The following PRKG1 variants were observed in gnomAD, a reference collection of about 807,000 sequenced individuals.
PRKG1 encodes cGMP-dependent protein kinase 1.
PRKG1 carries 35 observed loss-of-function variants against 88.1 expected under a neutral mutation model. That is an observed-to-expected ratio of 0.40 (90% CI 0.30 to 0.53). The LOEUF is 0.53. PRKG1 is among the 20% of genes least tolerant of loss of function. The probability of loss-of-function intolerance (pLI) is 0.59; values close to 1 mark genes in which losing one functional copy is unlikely to be tolerated. For missense variants in PRKG1, 540 were observed against 839.8 expected (o/e 0.64, Z 4.41); for synonymous variants, 303 against 292.5 (o/e 1.04, Z -0.37).
chr10:51,153,373 T>G (rs1287762147), intron 2 of PRKG1, 43 bp downstream of exon 2: 9 of 1,533,138 alleles, frequency 5.9e-6, no homozygotes, highest in Non-Finnish European at 6.2e-6. Flanking sequence ...AAATATTCTT[T>G]TTTCATCTTA....
At chr10:51,609,073 T>C (rs1363644636) in intron 3 of PRKG1, among the ~76,000 whole-genome samples, 1 of 152,018 alleles carries the variant, frequency 6.6e-6, no homozygotes, top group African/African-American at 2.4e-5. Context: ...GGTTAGTTTA[T>C]TATTTTTTTC....
At chr10:51,396,841 G>A (rs1236317133) in intron 2 of PRKG1, among the ~76,000 whole-genome samples, 1 of 152,228 alleles carries the variant, frequency 6.6e-6, no homozygotes, top group African/African-American at 2.4e-5. Context: ...GGCGGGTACT[G>A]GGGTGAACTG....
intron 2 of PRKG1, among the ~76,000 whole-genome samples, chr10:51,261,972 T>C (rs535473979): frequency 2.2e-4 from 33 of 148,666 alleles, no homozygotes; most frequent in African/African-American, 7.9e-4. Flanking sequence ...CTGCAAGCTC[T>C]GCCTCCCGGG....
chr10:52,123,713 A>C (rs763832424), intron 7 of PRKG1, among the ~76,000 whole-genome samples: 1 of 152,154 alleles, frequency 6.6e-6, no homozygotes, highest in Non-Finnish European at 1.5e-5. Context: ...CTCCAAAATT[A>C]CTAATTCAAT....
At position 52,254,136 on chromosome 10, in the gene PRKG1, C is replaced by T. The variant is rs140739687; in HGVS notation, c.1173+2470C>T. Among the ~76,000 whole-genome samples, 336 of 152,072 alleles carry T rather than the reference C, an allele frequency of 2.2e-3. 1 individual carries two copies. The highest frequency in any genetic ancestry group is 3.6e-3 in the Non-Finnish European group (246 of 67,980). ...GGGAGTTTGGCCTCATCACTTTGCCCATAATTGTACATAACATTGTCACGG... is the reference window on the plus strand; with the variant it reads ...GGGAGTTTGGCCTCATCACTTTGCCTATAATTGTACATAACATTGTCACGG... On this transcript the variant is annotated intron_variant, in intron 10 of 17. Coordinates refer to ENST00000373980, the MANE Select transcript of PRKG1 (RefSeq NM_006258.4).
At chr10:51,679,270 A>G (rs552567126) in intron 3 of PRKG1, among the ~76,000 whole-genome samples, 1 of 152,256 alleles carries the variant, frequency 6.6e-6, no homozygotes, top group East Asian at 1.9e-4. Context: ...CCTAAGAAGT[A>G]ACCTATTGCT....
At chr10:51,150,351 A>G (rs1019397467) in intron 1 of PRKG1, among the ~76,000 whole-genome samples, 1 of 152,128 alleles carries the variant, frequency 6.6e-6, no homozygotes, top group Admixed American at 6.6e-5. Context: ...AATTAGATGG[A>G]GGCCCTGATT....
rs145003139 is a variant in PRKG1, at chr10:51,711,621, G to T, written c.593-92964G>T. Among the ~76,000 whole-genome samples, 32 of 152,246 alleles carry T rather than the reference G, an allele frequency of 2.1e-4. No individual in the cohort carries two copies. The East Asian group carries it at 4.8e-3, about 23-fold the overall frequency. ...TCTTGCCTTTAGTTCCCTCCTCATG[G>T]CTCCAAGGCAATTCTGATTGTTTAT... On this transcript the variant is annotated intron_variant, in intron 3 of 17. Coordinates refer to ENST00000373980, the MANE Select transcript of PRKG1 (RefSeq NM_006258.4).
chr10:51,997,947 T>C (rs1450235960), intron 5 of PRKG1, among the ~76,000 whole-genome samples: 2 of 152,158 alleles, frequency 1.3e-5, no homozygotes, highest in African/African-American at 4.8e-5. Context: ...GAGGTGGTGA[T>C]AGCAAGCATC....
rs540410515 is a variant in PRKG1, at chr10:52,161,928, T to C, written c.1041T>C (p.Ser347=). 7.4e-6 allele frequency: 12 copies of C among 1,612,586 alleles called. No homozygotes were observed. The highest frequency in any genetic ancestry group is 9.3e-6 in the Non-Finnish European group (11 of 1,179,356). Reference sequence around the variant, plus strand: ...TGATTGGAGGGCTGGATGATGTTTCTAATAAAGCATATGAAGATGCAGAAG... The same window carrying C: ...TGATTGGAGGGCTGGATGATGTTTCCAATAAAGCATATGAAGATGCAGAAG... ...KHLIGGLDDV[S]NKAYEDAEAK... is the part of the protein sequence containing the mutation. Residue 347 remains serine, a synonymous_variant, in exon 9 of 18, where the codon TCT becomes TCC. Coordinates refer to ENST00000373980, the MANE Select transcript of PRKG1 (RefSeq NM_006258.4).
intron 1 of PRKG1, among the ~76,000 whole-genome samples, chr10:51,017,810 A>AT (rs1277948147): frequency 6.6e-6 from 1 of 151,482 alleles, no homozygotes; most frequent in African/African-American, 2.4e-5. Context: ...TATTTATTTA[A>AT]TTTTTTTGAT....
chr10:51,940,946 G>A (rs1419572889), intron 5 of PRKG1, among the ~76,000 whole-genome samples: 1 of 151,866 alleles, frequency 6.6e-6, no homozygotes, highest in Non-Finnish European at 1.5e-5. Flanking sequence ...CAAGTTTGGG[G>A]AACACAATCA....
At chr10:51,225,740 A>G (rs1838675039) in intron 2 of PRKG1, among the ~76,000 whole-genome samples, 1 of 152,094 alleles carries the variant, frequency 6.6e-6, no homozygotes, top group African/African-American at 2.4e-5. Context: ...TGAGACTTTA[A>G]AAAATCTCAT....
intron 2 of PRKG1, among the ~76,000 whole-genome samples, chr10:51,375,426 T>G (rs928392859): frequency 1.0e-5 from 1 of 99,818 alleles, no homozygotes; most frequent in East Asian, 2.3e-4. Flanking sequence ...GGATTTGGGG[T>G]TTTTTTTTTT....
In PRKG1 at chr10:52,229,872, C is replaced by A. The variant is rs560849011; in HGVS notation, c.1077-21698C>A. The stretch of plus-strand genomic sequence containing the variant: ...TTAAATTTAAATTTCAAAAAGGGAG[C>A]CTTCACCTACCCTTCTTTTAATAAA... On this transcript the variant is annotated intron_variant, in intron 9 of 17. Coordinates refer to ENST00000373980, the MANE Select transcript of PRKG1 (RefSeq NM_006258.4). Among the ~76,000 whole-genome samples the A allele has an allele frequency of 1.3e-4, 20 of 152,158 alleles. No individual in the cohort carries two copies. The East Asian group carries it at 2.9e-3, about 22-fold the overall frequency.
chr10:51,695,872 TTTC>T (rs1449625523), intron 3 of PRKG1: 1 of 152,206 alleles, frequency 6.6e-6, no homozygotes, highest in Non-Finnish European at 1.5e-5. Context: ...TTAAACATTT[TTTC>T]ATCTGTAACT....
At chr10:51,141,437 CTA>C (rs1294467695) in intron 1 of PRKG1, among the ~76,000 whole-genome samples, 3 of 152,274 alleles carry the variant, frequency 2.0e-5, no homozygotes, top group African/African-American at 7.2e-5. Flanking sequence ...TCCATAAATA[CTA>C]TACTTATGTC....
intron 9 of PRKG1, among the ~76,000 whole-genome samples, chr10:52,245,336 A>AT (rs1193123346): frequency 6.6e-6 from 1 of 152,036 alleles, no homozygotes; most frequent in East Asian, 1.9e-4. Flanking sequence ...TTCTGAATTG[A>AT]TTTTTCCACT....
At chr10:51,901,408 T>G (rs1232177747) in intron 4 of PRKG1, among the ~76,000 whole-genome samples, 1 of 152,196 alleles carries the variant, frequency 6.6e-6, no homozygotes, top group Non-Finnish European at 1.5e-5. Context: ...CAGTCTTTGT[T>G]TTGAAGCTAA....
Sources: gnomAD v4.1 joint callset for allele counts (sites outside exome capture counted in the v4.1 genomes callset) on GRCh38, gnomAD v4.1.1 for gene constraint, MANE v1.5 for transcripts, NCBI Gene and HGNC (gene_info 2026-07-23, HGNC 2026-07-21) for gene names.